SEC14L1: variants seen among roughly 807,000 people sequenced by gnomAD.
SEC14L1 encodes the protein SEC14-like protein 1.
A neutral mutation model predicts 85.3 loss-of-function variants in SEC14L1; 48 were observed. The observed-to-expected ratio is 0.56, with a 90% CI of 0.45 to 0.72. The LOEUF is 0.72. SEC14L1 is among the 30% of genes least tolerant of loss of function. The pLI is 0.00. For synonymous variants in SEC14L1, 391 were observed against 355.5 expected (o/e 1.10, Z -1.12); for missense variants, 682 against 921.4 (o/e 0.74, Z 3.36).
chr17:77,091,339 C>T (rs144196242), intron 2 of SEC14L1, among the ~76,000 whole-genome samples: 6,042 of 152,210 alleles, frequency 0.04, 421 homozygotes, highest in African/African-American at 0.14. Context: ...CTGCTCACCT[C>T]GGCCTCCCAA....
chr17:77,195,441 C>T (rs1034738257), intron 7 of SEC14L1, among the ~76,000 whole-genome samples: 2 of 152,148 alleles, frequency 1.3e-5, no homozygotes, highest in Non-Finnish European at 2.9e-5. Context: ...GCCTCAGCCT[C>T]CCGAGTAGCT....
At chr17:77,127,345 G>T (rs539399982) in intron 3 of SEC14L1, among the ~76,000 whole-genome samples, 50 of 151,932 alleles carry the variant, frequency 3.3e-4, no homozygotes, top group Non-Finnish European at 3.8e-4. Flanking sequence ...CAAGGGGTCT[G>T]TTTTCTTTTC....
intron 3 of SEC14L1, among the ~76,000 whole-genome samples, chr17:77,099,479 C>T (rs1338028243): frequency 6.6e-6 from 1 of 152,138 alleles, no homozygotes; most frequent in Non-Finnish European, 1.5e-5. Context: ...AATCCAAAGG[C>T]ATGGCCGGGC....
At chr17:77,145,832 G>T (rs79006015) in intron 3 of SEC14L1, among the ~76,000 whole-genome samples, 148 of 152,278 alleles carry the variant, frequency 9.7e-4, no homozygotes, top group African/African-American at 3.2e-3. Flanking sequence ...TGCCCTGTGG[G>T]ACTGTGCCTG....
chr17:77,111,395 T>TG, intron 3 of SEC14L1, among the ~76,000 whole-genome samples: 1 of 140,384 alleles, frequency 7.1e-6, no homozygotes, highest in East Asian at 2.0e-4. Context: ...TCTTTTGAAG[T>TG]GTTTTTTTTT....
intron 3 of SEC14L1, among the ~76,000 whole-genome samples, chr17:77,105,987 GAAA>G (rs112870360): frequency 1.5e-5 from 2 of 136,558 alleles, no homozygotes; most frequent in African/African-American, 2.7e-5. Flanking sequence ...GAGTTCAGAG[GAAA>G]AAAAAAAAAA....
exon 2 of SEC14L1, chr17:77,089,261 A>G (rs1187665035): frequency 2.5e-6 from 1 of 404,306 alleles, no homozygotes; most frequent in African/African-American, 2.1e-5. Flanking sequence ...TGACCTCAGC[A>G]GGGCATCCAG....
At chr17:77,148,895 C>A (rs938906782) in intron 3 of SEC14L1, among the ~76,000 whole-genome samples, 3 of 152,230 alleles carry the variant, frequency 2.0e-5, no homozygotes, top group Non-Finnish European at 4.4e-5. Flanking sequence ...CTGCCTGGTC[C>A]GTTTAACCTT....
At chr17:77,108,823 GTTTC>G (rs1215806325) in intron 3 of SEC14L1, among the ~76,000 whole-genome samples, 6 of 143,898 alleles carry the variant, frequency 4.2e-5, no homozygotes, top group African/African-American at 1.5e-4. Flanking sequence ...TATGTCATCT[GTTTC>G]TTTTTTTTTT....
chr17:77,187,240 G>C (rs1567917822), intron 3 of SEC14L1, among the ~76,000 whole-genome samples: 1 of 152,082 alleles, frequency 6.6e-6, no homozygotes, highest in Non-Finnish European at 1.5e-5. Flanking sequence ...CCTTACAGAG[G>C]GGTGACATCT....
intron 14 of SEC14L1, 41 bp from the exon 15 acceptor site, chr17:77,211,909 T>G (rs1976771807): frequency 1.2e-6 from 2 of 1,604,368 alleles, no homozygotes. Context: ...GCCGGCCTGG[T>G]GCTCGTGGAT....
chr17:77,178,082 A>G (rs1178250341), intron 3 of SEC14L1, among the ~76,000 whole-genome samples: 2 of 109,096 alleles, frequency 1.8e-5, no homozygotes, highest in Non-Finnish European at 3.3e-5. Context: ...TTTTGAGTGC[A>G]GTGTTCATGC....
chr17:77,135,508 TTC>T (rs1227791555), intron 3 of SEC14L1, among the ~76,000 whole-genome samples: 1 of 152,138 alleles, frequency 6.6e-6, no homozygotes, highest in Non-Finnish European at 1.5e-5. Context: ...CTCTCTTTCT[TTC>T]TCTCTTTCTT....
intron 3 of SEC14L1, among the ~76,000 whole-genome samples, chr17:77,128,454 T>G (rs1972518532): frequency 8.9e-6 from 1 of 112,076 alleles, no homozygotes; most frequent in Non-Finnish European, 1.8e-5. Context: ...TATTTTATTT[T>G]ATTATGTTTT....
chr17:77,192,289 C>T (rs1452693495), intron 5 of SEC14L1, among the ~76,000 whole-genome samples: 5 of 152,198 alleles, frequency 3.3e-5, no homozygotes, highest in Non-Finnish European at 5.9e-5. Context: ...TGACAGATTG[C>T]TGTATTTCTG....
intron 3 of SEC14L1, among the ~76,000 whole-genome samples, chr17:77,133,932 C>A (rs1384759223): frequency 9.5e-6 from 1 of 105,610 alleles, no homozygotes; most frequent in Non-Finnish European, 2.0e-5. Flanking sequence ...GAGTGAGACT[C>A]CATCTCAAAA....
chr17:77,138,457 TA>T (rs1972856664), upstream of SEC14L1, among the ~76,000 whole-genome samples: 2 of 151,760 alleles, frequency 1.3e-5, no homozygotes, highest in Non-Finnish European at 2.9e-5. Context: ...CCGTCTCTAC[TA>T]AAAATAAAAA....
chr17:77,123,037 G>A, intron 3 of SEC14L1, among the ~76,000 whole-genome samples: 1 of 150,938 alleles, frequency 6.6e-6, no homozygotes, highest in Admixed American at 6.6e-5. Context: ...CTTTTTTGTT[G>A]TTTTGTTTTT....
chr17:77,117,272 G>T (rs1159156629), intron 3 of SEC14L1, among the ~76,000 whole-genome samples: 2 of 152,084 alleles, frequency 1.3e-5, no homozygotes, highest in Non-Finnish European at 2.9e-5. Context: ...GCTTGAACCC[G>T]AGAGGTGGAG....
Sources: gnomAD v4.1 joint callset for allele counts (sites outside exome capture counted in the v4.1 genomes callset) on GRCh38, gnomAD v4.1.1 for gene constraint, MANE v1.5 for transcripts, NCBI Gene and HGNC (gene_info 2026-07-23, HGNC 2026-07-21) for gene names.